BARD1: variants seen among roughly 807,000 people sequenced by gnomAD.
The protein encoded by BARD1 is BRCA1-associated RING domain protein 1.
Under a neutral mutation model 77.0 loss-of-function variants are expected in BARD1, and 73 were observed. The observed-to-expected ratio is 0.95, with a 90% CI of 0.79 to 1.15. The LOEUF is 1.15. Among genes scored for constraint, BARD1 ranks in the 50% most tolerant of loss-of-function variants. The pLI, the probability that BARD1 is intolerant of heterozygous loss-of-function variation, is 0.00. For missense variants in BARD1, 993 were observed against 938.8 expected, an observed-to-expected ratio of 1.06 and a Z score of -0.75; for synonymous variants, 384 against 338.0, an observed-to-expected ratio of 1.14 and a Z score of -1.49.
At chr2:214,792,203 G>A (rs1446864722) in intron 3 of BARD1, 94 bp downstream of exon 3, 26 of 1,018,642 alleles carry the variant, frequency 2.6e-5, no homozygotes, top group South Asian at 1.1e-4. Flanking sequence ...ACGTATTCCA[G>A]AACTCCAGAT....
At chr2:214,739,062 TCACTTG>T (rs1261505370) in intron 9 of BARD1, among the ~76,000 whole-genome samples, 1 of 151,946 alleles carries the variant, frequency 6.6e-6, no homozygotes, top group Non-Finnish European at 1.5e-5. Flanking sequence ...AGCAGGAGGA[TCACTTG>T]AACCCAGGAG....
intron 6 of BARD1, among the ~76,000 whole-genome samples, chr2:214,766,700 G>A (rs114735579): frequency 0.032 from 4,916 of 152,122 alleles, 98 homozygotes; most frequent in Middle Eastern, 0.065. Flanking sequence ...ACATCCTCCC[G>A]TATACTTTAA....
At chr2:214,763,117 T>C (rs1417731960) in intron 6 of BARD1, among the ~76,000 whole-genome samples, 3 of 152,178 alleles carry the variant, frequency 2.0e-5, no homozygotes, top group Non-Finnish European at 2.9e-5. Flanking sequence ...CGGAAGTTCC[T>C]AGAATGAATG....
intron 3 of BARD1, among the ~76,000 whole-genome samples, chr2:214,786,669 C>T (rs954654545): frequency 2.0e-5 from 3 of 151,892 alleles, no homozygotes; most frequent in Non-Finnish European, 4.4e-5. Context: ...CAAAGTGTAC[C>T]ATCACTTCCT....
intron 6 of BARD1, among the ~76,000 whole-genome samples, chr2:214,758,356 T>A (rs1693797012): frequency 1.3e-5 from 2 of 152,218 alleles, no homozygotes; most frequent in African/African-American, 4.8e-5. Flanking sequence ...GTACCTAGCA[T>A]ATATGAACAG....
intron 6 of BARD1, among the ~76,000 whole-genome samples, chr2:214,766,795 T>C (rs562825362): frequency 6.6e-6 from 1 of 152,348 alleles, no homozygotes; most frequent in East Asian, 1.9e-4. Context: ...ATATTACTTA[T>C]TATCGTAGTG....
At chr2:214,807,875 C>A (rs1696348635) in intron 1 of BARD1, among the ~76,000 whole-genome samples, 1 of 152,168 alleles carries the variant, frequency 6.6e-6, no homozygotes, top group African/African-American at 2.4e-5. Flanking sequence ...GTTGGACTAT[C>A]AAGGTGTGAA....
chr2:214,727,005 C>T lies in BARD1; in HGVS notation c.*1671G>A, dbSNP rs1692112421. 4.8e-6 allele frequency: 1 copy of T among 208,322 alleles called. No individual in the cohort carries two copies. Among genetic ancestry groups the T allele is most frequent in the African/African-American group, 2.8e-5 (1 of 35,802 alleles). 12.9% of individuals were successfully genotyped at this position (208,322 alleles called of 1,614,324 possible). A position where few individuals can be genotyped will look rare whatever the true frequency, so the allele number is the denominator to read the frequency against. On this transcript the variant is annotated 3_prime_UTR_variant, in exon 11 of 11. Coordinates refer to ENST00000260947, the MANE Select transcript of BARD1 (RefSeq NM_000465.4). ...TCTGTTATAAATAAAAAATGACAAC[C>T]AAAATCCTAGAGAGTCTTAAATTAT...
At chr2:214,756,220 C>A (rs1015415368) in intron 6 of BARD1, among the ~76,000 whole-genome samples, 9 of 152,068 alleles carry the variant, frequency 5.9e-5, no homozygotes, top group Non-Finnish European at 1.5e-5. Flanking sequence ...CTCACCAGAT[C>A]TGGTTGTTTA....
chr2:214,762,544 T>G (rs1694011891), intron 6 of BARD1, among the ~76,000 whole-genome samples: 1 of 152,220 alleles, frequency 6.6e-6, no homozygotes, highest in South Asian at 2.1e-4. Context: ...TGAGTCTAAC[T>G]TTGATATCAA....
At chr2:214,736,394 T>C (rs906265660) in intron 9 of BARD1, among the ~76,000 whole-genome samples, 1 of 152,128 alleles carries the variant, frequency 6.6e-6, no homozygotes, top group African/African-American at 2.4e-5. Context: ...TAAGCAGGTA[T>C]TCCCCTTCCC....
At chr2:214,807,511 T>G (rs1167263733) in intron 1 of BARD1, among the ~76,000 whole-genome samples, 1 of 152,240 alleles carries the variant, frequency 6.6e-6, no homozygotes, top group Non-Finnish European at 1.5e-5. Flanking sequence ...TCATTTATTC[T>G]ATCACAACCA....
chr2:214,786,582 AAT>A (rs1695287263), intron 3 of BARD1, among the ~76,000 whole-genome samples: 1 of 150,294 alleles, frequency 6.7e-6, no homozygotes, highest in South Asian at 2.1e-4. Context: ...GGCTTTGAAA[AAT>A]AAAATAATTA....
chr2:214,777,014 C>A (rs891033209), intron 4 of BARD1, among the ~76,000 whole-genome samples: 2 of 152,044 alleles, frequency 1.3e-5, no homozygotes, highest in African/African-American at 4.8e-5. Context: ...CTCAGTCTTA[C>A]CACAAGAATT....
chr2:214,807,277 A>G (rs1188233286), intron 1 of BARD1, among the ~76,000 whole-genome samples: 3 of 152,166 alleles, frequency 2.0e-5, no homozygotes, highest in South Asian at 2.1e-4. Flanking sequence ...AGCCATGCTA[A>G]AAGTCTGGGC....
In BARD1 at chr2:214,761,070, A is replaced by AT. The variant is rs369544845; in HGVS notation, c.1568+6411dup. 3.5e-3 allele frequency among the ~76,000 whole-genome samples: 427 copies of AT among 121,126 alleles called. 1 individual carries two copies. Among genetic ancestry groups the AT allele is most frequent in the African/African-American group, 0.012 (413 of 33,112 alleles). 79.5% of individuals were successfully genotyped at this position (121,126 alleles called of 152,430 possible). On this transcript the variant is annotated intron_variant, in intron 6 of 10. Transcript: ENST00000260947. Reference sequence around the variant, plus strand: ...ACTTTTTAAGGATGAACTTGATGGGATAAAAAAAAAAAGTCCATTTTCTCT... The same window carrying AT: ...ACTTTTTAAGGATGAACTTGATGGGATTAAAAAAAAAAAGTCCATTTTCTCT...
At chr2:214,802,356 T>G (rs1240614457) in intron 1 of BARD1, among the ~76,000 whole-genome samples, 1 of 152,212 alleles carries the variant, frequency 6.6e-6, no homozygotes, top group Non-Finnish European at 1.5e-5. Flanking sequence ...GTTAGTGTTC[T>G]GGGCATGTTT....
At chr2:214,809,150 G>A (rs1337151402) in intron 1 of BARD1, among the ~76,000 whole-genome samples, 6 of 152,292 alleles carry the variant, frequency 3.9e-5, no homozygotes, top group South Asian at 2.1e-4. Flanking sequence ...ACCTCCAGAC[G>A]GTTCTTCAGC....
chr2:214,728,055 CA>C lies in BARD1; in HGVS notation c.*620del, dbSNP rs1483344071. On this transcript the variant is annotated 3_prime_UTR_variant, in exon 11 of 11. Coordinates refer to ENST00000260947, the MANE Select transcript of BARD1 (RefSeq NM_000465.4). The stretch of plus-strand genomic sequence containing the variant: ...ATTTTTACCACACACACAAAAAAAC[CA>C]ATGTTAATGATTAAATCACAATTTC... 4.4e-6 allele frequency: 1 copy of C among 225,026 alleles called. No homozygotes were observed. The highest frequency in any genetic ancestry group is 8.8e-6 in the Non-Finnish European group (1 of 113,314). The allele number at this position is 225,026 out of a possible 1,614,324, so 13.9% of individuals were successfully genotyped here.
Sources: allele counts gnomAD v4.1 joint callset (sites outside exome capture counted in the v4.1 genomes callset), GRCh38; gene constraint gnomAD v4.1.1; transcripts MANE v1.5; gene names NCBI Gene and HGNC (gene_info 2026-07-23, HGNC 2026-07-21).